KCNH7: variants seen among roughly 807,000 people sequenced by gnomAD.
KCNH7 encodes the protein potassium voltage-gated channel subfamily H member 7.
A neutral mutation model predicts 120.8 loss-of-function variants in KCNH7; 49 were observed. The observed-to-expected ratio is 0.41, with a 90% CI of 0.32 to 0.51. KCNH7 has a LOEUF of 0.51. Among genes scored for constraint, KCNH7 ranks in the 20% least tolerant of loss-of-function variants. KCNH7 has a pLI of 0.38. For missense variants in KCNH7, 1,097 were observed against 1,446.6 expected (o/e 0.76, Z 3.92); for synonymous variants, 547 against 516.1 (o/e 1.06, Z -0.81).
At chr2:162,819,659 A>G (rs144475502) in intron 2 of KCNH7, among the ~76,000 whole-genome samples, 91 of 152,304 alleles carry the variant, frequency 6.0e-4, no homozygotes, top group African/African-American at 2.0e-3. Flanking sequence ...TGAGTTGCTA[A>G]GGATTTCTAC....
At chr2:162,715,018 T>A (rs1687062321) in intron 2 of KCNH7, among the ~76,000 whole-genome samples, 1 of 152,204 alleles carries the variant, frequency 6.6e-6, no homozygotes, top group Non-Finnish European at 1.5e-5. Flanking sequence ...TAACAAAATG[T>A]GTAAAATGTA....
intron 2 of KCNH7, among the ~76,000 whole-genome samples, chr2:162,811,434 C>G (rs969843626): frequency 6.6e-6 from 1 of 152,084 alleles, no homozygotes; most frequent in African/African-American, 2.4e-5. Flanking sequence ...CATGAGCCAT[C>G]TAGTTTCCTC....
chr2:162,754,676 C>A (rs1043244792), intron 2 of KCNH7, among the ~76,000 whole-genome samples: 6 of 151,864 alleles, frequency 4.0e-5, no homozygotes, highest in Admixed American at 1.3e-4. Flanking sequence ...TAAGAGAGTA[C>A]GAGATTTAAG....
intron 2 of KCNH7, among the ~76,000 whole-genome samples, chr2:162,749,467 T>G (rs1688467011): frequency 6.6e-6 from 1 of 152,082 alleles, no homozygotes; most frequent in African/African-American, 2.4e-5. Flanking sequence ...TAATTTAGGC[T>G]GAAACAACAA....
intron 6 of KCNH7, among the ~76,000 whole-genome samples, chr2:162,452,889 A>T (rs1421721705): frequency 6.6e-6 from 1 of 152,060 alleles, no homozygotes; most frequent in Non-Finnish European, 1.5e-5. Context: ...ATTCGTTTCT[A>T]GGAAACGGTT....
chr2:162,536,842 C>T, intron 3 of KCNH7, 83 bp downstream of exon 3: 1 of 1,201,384 alleles, frequency 8.3e-7, no homozygotes, highest in South Asian at 1.6e-5. Flanking sequence ...ATTTTGAGAA[C>T]TGAATTGAAA....
At chr2:162,794,424 T>C (rs1002202462) in intron 2 of KCNH7, among the ~76,000 whole-genome samples, 4 of 152,020 alleles carry the variant, frequency 2.6e-5, no homozygotes, top group Non-Finnish European at 1.5e-5. Flanking sequence ...GCTTTTCTCC[T>C]AAAAAGAACT....
At chr2:162,820,209 T>TTTTGTGTGTGTGTG (rs1685065641) in intron 2 of KCNH7, among the ~76,000 whole-genome samples, 3 of 99,682 alleles carry the variant, frequency 3.0e-5, no homozygotes, top group African/African-American at 1.1e-4. Flanking sequence ...CCGGCTAATT[T>TTTTGTGTGTGTGTG]TGTGTGTGTG....
At chr2:162,390,271 T>A (rs1439066269) in intron 12 of KCNH7, among the ~76,000 whole-genome samples, 1 of 149,918 alleles carries the variant, frequency 6.7e-6, no homozygotes, top group Non-Finnish European at 1.5e-5. Context: ...CACACACACA[T>A]ATTTATATAT....
chr2:162,730,146 G>A (rs796731576), intron 2 of KCNH7, among the ~76,000 whole-genome samples: 7 of 149,572 alleles, frequency 4.7e-5, no homozygotes, highest in African/African-American at 7.4e-5. Context: ...AGAAGATGTC[G>A]AATGAAAAAA....
rs186858312 is a variant in KCNH7, at chr2:162,701,963, C to T, written c.307+134574G>A. Among the ~76,000 whole-genome samples, 104 of 151,134 alleles carry T rather than the reference C, an allele frequency of 6.9e-4. 1 individual carries two copies. In the East Asian group the frequency reaches 0.016, roughly 24 times the overall value. ...CGGAGGTTGCAGTGAGCCAAGATCACGCCACTATACTCCAGCCTGGGTGAC... is the reference window on the plus strand; with the variant it reads ...CGGAGGTTGCAGTGAGCCAAGATCATGCCACTATACTCCAGCCTGGGTGAC... On this transcript the variant is annotated intron_variant, in intron 2 of 15. Transcript: ENST00000332142.
rs116836093 is a variant in KCNH7 at position 162,376,447 on chromosome 2, C to A, written c.3132-2785G>T. 6.1e-3 allele frequency among the ~76,000 whole-genome samples: 917 copies of A among 151,210 alleles called. 6 individuals carry two copies. Among genetic ancestry groups the A allele is most frequent in the Non-Finnish European group, 9.8e-3 (664 of 67,856 alleles). On this transcript the variant is annotated intron_variant, in intron 14 of 15. Transcript: ENST00000332142. ...GTAGCATGATCTCGGCTCGCTGCAACCTCTTTCTCCCGGGTTCAAGCAATT... is the reference window on the plus strand; with the variant it reads ...GTAGCATGATCTCGGCTCGCTGCAAACTCTTTCTCCCGGGTTCAAGCAATT...
At chr2:162,415,715 C>G (rs1355779730) in intron 9 of KCNH7, among the ~76,000 whole-genome samples, 1 of 151,958 alleles carries the variant, frequency 6.6e-6, no homozygotes, top group Non-Finnish European at 1.5e-5. Context: ...TTATAAATCT[C>G]AATTCTGTAT....
intron 2 of KCNH7, among the ~76,000 whole-genome samples, chr2:162,604,539 C>T (rs546060404): frequency 6.6e-6 from 1 of 152,070 alleles, no homozygotes; most frequent in African/African-American, 2.4e-5. Context: ...ATCAGATTTC[C>T]CATTCCACAT....
intron 13 of KCNH7, 111 bp from the exon 14 acceptor site, chr2:162,380,132 C>G: frequency 3.1e-6 from 4 of 1,283,768 alleles, no homozygotes; most frequent in Non-Finnish European, 4.3e-6. Context: ...ACCTGAGAGA[C>G]AGAGAACCAA....
At chr2:162,433,246 C>A (rs1361868504) in intron 8 of KCNH7, among the ~76,000 whole-genome samples, 1 of 152,084 alleles carries the variant, frequency 6.6e-6, no homozygotes, top group East Asian at 1.9e-4. Context: ...ACCAAACTAC[C>A]AATGTCATTT....
At chr2:162,751,449 A>G (rs1227453825) in intron 2 of KCNH7, among the ~76,000 whole-genome samples, 1 of 152,102 alleles carries the variant, frequency 6.6e-6, no homozygotes, top group Admixed American at 6.6e-5. Flanking sequence ...CACAGTAAAC[A>G]TTATTCTAAC....
intron 15 of KCNH7, among the ~76,000 whole-genome samples, chr2:162,372,502 A>G (rs903758704): frequency 6.6e-6 from 1 of 152,174 alleles, no homozygotes; most frequent in Non-Finnish European, 1.5e-5. Flanking sequence ...CCCTAGTCAG[A>G]TAATATTACC....
intron 2 of KCNH7, among the ~76,000 whole-genome samples, chr2:162,668,028 C>T (rs559484517): frequency 9.0e-4 from 137 of 152,202 alleles, no homozygotes; most frequent in African/African-American, 3.0e-3. Flanking sequence ...TTTCCATTTT[C>T]AACAGTATAT....
Sources: allele counts gnomAD v4.1 joint callset (sites outside exome capture counted in the v4.1 genomes callset), GRCh38; gene constraint gnomAD v4.1.1; transcripts MANE v1.5; gene names NCBI Gene and HGNC (gene_info 2026-07-23, HGNC 2026-07-21).